Variants in DLGAP2 observed in about 807,000 individuals in gnomAD.
DLGAP2 encodes disks large-associated protein 2.
A neutral mutation model predicts 100.3 loss-of-function variants in DLGAP2; 26 were observed. The ratio of observed to expected loss-of-function variants is 0.26; its 90% confidence interval spans 0.19 to 0.36. The LOEUF (loss-of-function observed/expected upper bound fraction) is 0.36, where lower values mean the gene tolerates loss of function less well. Among genes scored for constraint, DLGAP2 ranks in the 10% least tolerant of loss-of-function variants. DLGAP2 has a pLI of 1.00. For missense variants in DLGAP2, 1,858 were observed against 1,453.2 expected (o/e 1.28, Z -4.53); for synonymous variants, 886 against 630.1 (o/e 1.41, Z -6.08).
At chr8:1,344,140 AC>A (rs1801494721) in intron 3 of DLGAP2, among the ~76,000 whole-genome samples, 1 of 151,370 alleles carries the variant, frequency 6.6e-6, no homozygotes, top group African/African-American at 2.4e-5. Context: ...GGGTCCGTGT[AC>A]TCGGGGCCCT....
intron 4 of DLGAP2, among the ~76,000 whole-genome samples, chr8:1,528,735 C>G (rs28439223): frequency 0.46 from 69,767 of 152,018 alleles, 16,555 homozygotes; most frequent in South Asian, 0.69. Flanking sequence ...AGTAAGGAGC[C>G]TGGCCTTCCT....
intron 3 of DLGAP2, among the ~76,000 whole-genome samples, chr8:1,322,519 G>T (rs1241498860): frequency 6.6e-6 from 1 of 151,792 alleles, no homozygotes; most frequent in Non-Finnish European, 1.5e-5. Flanking sequence ...GTTGATCTGT[G>T]GAAATGCATG....
intron 12 of DLGAP2, chr8:1,688,139 C>T (rs1306574440): frequency 6.6e-6 from 1 of 152,200 alleles, no homozygotes; most frequent in Non-Finnish European, 1.5e-5. Context: ...CCCCTCCACT[C>T]CCCTCACCCC....
At chr8:1,345,622 C>T (rs1334552474) in intron 3 of DLGAP2, among the ~76,000 whole-genome samples, 2 of 152,226 alleles carry the variant, frequency 1.3e-5, no homozygotes, top group African/African-American at 4.8e-5. Context: ...TGTGTTAACA[C>T]GTCTGATCAG....
At chr8:1,151,902 A>G (rs1157345220) in intron 2 of DLGAP2, among the ~76,000 whole-genome samples, 2 of 152,254 alleles carry the variant, frequency 1.3e-5, no homozygotes, top group Non-Finnish European at 2.9e-5. Flanking sequence ...TACCATAAAC[A>G]GCGAAGCGTC....
intron 3 of DLGAP2, among the ~76,000 whole-genome samples, chr8:1,371,078 A>C (rs1391683639): frequency 6.6e-6 from 1 of 152,218 alleles, no homozygotes; most frequent in African/African-American, 2.4e-5. Flanking sequence ...TGGCTGAGGC[A>C]CTGTCATTGC....
In DLGAP2 at chr8:1,594,134, G is replaced by T. The variant is rs796565688; in HGVS notation, c.1442+28240G>T. Among the ~76,000 whole-genome samples, 34 of 152,322 alleles carry T rather than the reference G, an allele frequency of 2.2e-4. 1 individual carries two copies. The highest frequency in any genetic ancestry group is 8.2e-4 in the African/African-American group (34 of 41,570). On this transcript the variant is annotated intron_variant, in intron 6 of 14. Coordinates refer to ENST00000637795, the MANE Select transcript of DLGAP2 (RefSeq NM_001346810.2). ...GCTGAGACCCTCAGAATCTCTGAAT[G>T]ATTGGTGGGGGTCTTCTCATGTATA...
At chr8:907,535 T>C (rs1284913363) in intron 1 of DLGAP2, among the ~76,000 whole-genome samples, 1 of 152,206 alleles carries the variant, frequency 6.6e-6, no homozygotes, top group Admixed American at 6.5e-5. Context: ...CAGCCCTCCA[T>C]TTCCAGGCTC....
chr8:1,445,551 C>T (rs555050532), intron 3 of DLGAP2, among the ~76,000 whole-genome samples: 5 of 152,052 alleles, frequency 3.3e-5, no homozygotes, highest in South Asian at 2.1e-4. Flanking sequence ...AATAAACACA[C>T]GCGTGCACGT....
intron 1 of DLGAP2, among the ~76,000 whole-genome samples, chr8:808,435 C>T (rs1283316815): frequency 2.0e-5 from 3 of 152,134 alleles, no homozygotes; most frequent in African/African-American, 7.2e-5. Flanking sequence ...ACATTCAGTC[C>T]TAGGAGAGGG....
Position 1,429,911 on chromosome 8 carries a change from C to G in DLGAP2, c.107-71455C>G, listed in dbSNP as rs559976430. ...AGCCGATGCTCAGAACCCATTTTAC[C>G]TTCATCATACACGGCCTTCTGCTTA... On this transcript the variant is annotated intron_variant, in intron 3 of 14. Coordinates refer to ENST00000637795, the MANE Select transcript of DLGAP2 (RefSeq NM_001346810.2). 2.0e-5 allele frequency among the ~76,000 whole-genome samples: 3 copies of G among 148,376 alleles called. No individual in the cohort carries two copies. The South Asian group carries it at 6.5e-4, about 32-fold the overall frequency.
intron 1 of DLGAP2, among the ~76,000 whole-genome samples, chr8:779,839 A>G (rs1821640082): frequency 6.6e-6 from 1 of 151,604 alleles, no homozygotes; most frequent in Non-Finnish European, 1.5e-5. Context: ...TTTATATTTT[A>G]TTTTTAAAAT....
chr8:1,147,568 T>C (rs1563216155), intron 2 of DLGAP2, among the ~76,000 whole-genome samples: 1 of 151,776 alleles, frequency 6.6e-6, no homozygotes, highest in Non-Finnish European at 1.5e-5. Context: ...ACAGAGTCTC[T>C]GTCACCCAGG....
chr8:1,676,560 G>A lies in DLGAP2; in HGVS notation c.2230G>A (p.Glu744Lys). 1 of 1,613,534 alleles carries A rather than the reference G, an allele frequency of 6.2e-7. No individual in the cohort carries two copies. Among genetic ancestry groups the A allele is most frequent in the Non-Finnish European group, 8.5e-7 (1 of 1,179,708 alleles). The change falls in exon 11 of 15, where the codon GAG becomes AAG. Residue 744 changes from glutamate to lysine, a missense_variant. Coordinates refer to ENST00000637795, the MANE Select transcript of DLGAP2 (RefSeq NM_001346810.2). ...DVETATDSDT[E>K]SRGLREYHSV... ...GGAAACGGCCACAGATTCTGACACGGAGAGCCGCGGTCTGCGGGAATACCA... is the reference window on the plus strand; with the variant it reads ...GGAAACGGCCACAGATTCTGACACGAAGAGCCGCGGTCTGCGGGAATACCA...
intron 5 of DLGAP2, among the ~76,000 whole-genome samples, chr8:1,563,567 G>T (rs1171528241): frequency 1.3e-5 from 2 of 151,944 alleles, no homozygotes; most frequent in African/African-American, 4.8e-5. Context: ...CCTCGTTGCT[G>T]CGGGACTGTG....
intron 3 of DLGAP2, among the ~76,000 whole-genome samples, chr8:1,449,637 G>A (rs2130102508): frequency 6.6e-6 from 1 of 152,258 alleles, no homozygotes; most frequent in East Asian, 1.9e-4. Context: ...TGAGGCTGAG[G>A]GTCCCTGGGC....
At chr8:1,143,567 G>T (rs1796557261) in intron 2 of DLGAP2, among the ~76,000 whole-genome samples, 1 of 152,194 alleles carries the variant, frequency 6.6e-6, no homozygotes, top group South Asian at 2.1e-4. Flanking sequence ...CAGCGCTCAG[G>T]ACTCAGCCCC....
chr8:985,166 C>T (rs1440867157), intron 2 of DLGAP2, among the ~76,000 whole-genome samples: 1 of 152,128 alleles, frequency 6.6e-6, no homozygotes, highest in Non-Finnish European at 1.5e-5. Flanking sequence ...TGGTTGTGTG[C>T]AGGTTACAGC....
intron 2 of DLGAP2, among the ~76,000 whole-genome samples, chr8:1,087,330 G>A (rs144553403): frequency 3.9e-5 from 6 of 152,154 alleles, no homozygotes; most frequent in Middle Eastern, 3.4e-3. Flanking sequence ...CCCTTCATCC[G>A]CTGTGTCCTC....
Sources: allele counts gnomAD v4.1 joint callset (sites outside exome capture counted in the v4.1 genomes callset), GRCh38; gene constraint gnomAD v4.1.1; transcripts MANE v1.5; gene names NCBI Gene and HGNC (gene_info 2026-07-23, HGNC 2026-07-21).